PTPN22: variants seen among roughly 807,000 people sequenced by gnomAD.
PTPN22 encodes protein tyrosine phosphatase non-receptor type 22.
In PTPN22, 85 loss-of-function variants were observed where a neutral mutation model predicts 103.3. That is an observed-to-expected ratio of 0.82 (90% CI 0.69 to 0.99). PTPN22 has a LOEUF of 0.99. Among genes scored for constraint, PTPN22 ranks in the 50% least tolerant of loss-of-function variants. PTPN22 has a pLI of 0.00. For synonymous variants in PTPN22, 323 were observed against 310.2 expected (o/e 1.04, Z -0.43); for missense variants, 865 against 936.9 (o/e 0.92, Z 1.00).
chr1:113,868,894 A>G (rs960003114), intron 1 of PTPN22, among the ~76,000 whole-genome samples: 3 of 150,808 alleles, frequency 2.0e-5, no homozygotes, highest in Non-Finnish European at 4.4e-5. Flanking sequence ...TTAAGCAGCT[A>G]AAAAAAACTA....
rs1455277307 is a variant in PTPN22 at position 113,833,153 on chromosome 1, GA to G, written c.2026-16del. On this transcript the variant is annotated splice_polypyrimidine_tract_variant and intron_variant, in intron 15 of 20. Transcript: ENST00000359785. Reference sequence around the variant, plus strand: ...AGTTTTACACTCTAAAAGAAAAAAAGAAAGGAAAAGTGAAAGAAGAATATGT... The same window carrying G: ...AGTTTTACACTCTAAAAGAAAAAAAGAAGGAAAAGTGAAAGAAGAATATGT... 1 of 1,535,706 alleles carries G rather than the reference GA, an allele frequency of 6.5e-7. No homozygotes were observed. The highest frequency in any genetic ancestry group is 2.3e-5 in the East Asian group (1 of 44,154).
intron 20 of PTPN22, among the ~76,000 whole-genome samples, chr1:113,815,829 C>A (rs990653201): frequency 6.6e-6 from 1 of 152,180 alleles, no homozygotes; most frequent in Non-Finnish European, 1.5e-5. Context: ...CAGGCGCCAG[C>A]CAACATGCCT....
chr1:113,862,769 T>G (rs1375483379), intron 1 of PTPN22, among the ~76,000 whole-genome samples: 1 of 152,150 alleles, frequency 6.6e-6, no homozygotes, highest in African/African-American at 2.4e-5. Context: ...CTCAGTGCCT[T>G]GCAAATATAG....
At chr1:113,843,952 C>T (rs1305149006) in intron 11 of PTPN22, among the ~76,000 whole-genome samples, 1 of 152,062 alleles carries the variant, frequency 6.6e-6, no homozygotes, top group Non-Finnish European at 1.5e-5. Flanking sequence ...CATTCTGGGC[C>T]GGGTGTGGTG....
At chr1:113,866,744 T>C (rs928257890) in intron 1 of PTPN22, among the ~76,000 whole-genome samples, 2 of 152,122 alleles carry the variant, frequency 1.3e-5, no homozygotes, top group Non-Finnish European at 2.9e-5. Context: ...AAAAAAGCTA[T>C]TGTTGGTTTT....
intron 1 of PTPN22, among the ~76,000 whole-genome samples, chr1:113,869,368 A>T (rs1480081261): frequency 9.3e-5 from 14 of 150,414 alleles, no homozygotes; most frequent in Non-Finnish European, 4.4e-5. Flanking sequence ...TTTAGCTGAG[A>T]AAAGGTAAAA....
intron 4 of PTPN22, 109 bp from the exon 5 acceptor site, chr1:113,857,885 G>T (rs983419083): frequency 2.4e-5 from 26 of 1,066,590 alleles, no homozygotes; most frequent in Non-Finnish European, 3.3e-5. Flanking sequence ...TTTCTGTTTT[G>T]TCGTTTTTTT....
At chr1:113,860,908 G>A (rs897805686) in intron 1 of PTPN22, among the ~76,000 whole-genome samples, 22 of 152,160 alleles carry the variant, frequency 1.4e-4, no homozygotes, top group South Asian at 1.2e-3. Context: ...AGCCCTTTGC[G>A]TAAGATATCC....
At chr1:113,836,549 C>T (rs1663034883) in intron 13 of PTPN22, among the ~76,000 whole-genome samples, 1 of 152,114 alleles carries the variant, frequency 6.6e-6, no homozygotes, top group Non-Finnish European at 1.5e-5. Context: ...TCATTTTAGC[C>T]ACATAATTGT....
At chr1:113,819,873 CAG>C (rs1250493746) in intron 19 of PTPN22, 2 of 304,294 alleles carry the variant, frequency 6.6e-6, no homozygotes, top group Non-Finnish European at 1.2e-5. Flanking sequence ...TCTTTGCAAA[CAG>C]ATTGTATAGT....
At chr1:113,848,654 T>C (rs762009299) in intron 10 of PTPN22, 28 bp from the exon 11 acceptor site, 1 of 1,586,368 alleles carries the variant, frequency 6.3e-7, no homozygotes, top group Non-Finnish European at 8.5e-7. Flanking sequence ...CCAGAACAAA[T>C]GAAAACAAAA....
At chr1:113,816,285 C>T (rs1466867620) in intron 20 of PTPN22, among the ~76,000 whole-genome samples, 1 of 151,878 alleles carries the variant, frequency 6.6e-6, no homozygotes, top group African/African-American at 2.4e-5. Flanking sequence ...CCAGCCTGGG[C>T]AACATAGTGA....
At chr1:113,840,481 G>T (rs1663452917) in intron 11 of PTPN22, among the ~76,000 whole-genome samples, 2 of 152,064 alleles carry the variant, frequency 1.3e-5, no homozygotes, top group Admixed American at 1.3e-4. Flanking sequence ...TTTAACCAAG[G>T]AGGCAAAAGA....
At chr1:113,853,599 C>T (rs908865028) in intron 9 of PTPN22, among the ~76,000 whole-genome samples, 1 of 151,948 alleles carries the variant, frequency 6.6e-6, no homozygotes, top group Non-Finnish European at 1.5e-5. Flanking sequence ...ATCAGCCTGC[C>T]TCGGCCTCCC....
At chr1:113,862,653 T>A (rs1000271004) in intron 1 of PTPN22, among the ~76,000 whole-genome samples, 14 of 152,154 alleles carry the variant, frequency 9.2e-5, no homozygotes, top group African/African-American at 3.4e-4. Context: ...ATAGAAGACG[T>A]AGCATTTTAG....
At chr1:113,848,729 T>C in intron 10 of PTPN22, 103 bp from the exon 11 acceptor site, 1 of 1,038,120 alleles carries the variant, frequency 9.6e-7, no homozygotes, top group South Asian at 1.4e-5. Context: ...AATCCTAATA[T>C]AGCAGACCCA....
At chr1:113,814,111 C>T (rs1660994645) in exon 21 of PTPN22, 1 of 152,200 alleles carries the variant, frequency 6.6e-6, no homozygotes, top group Admixed American at 6.5e-5. Context: ...GATCCATATT[C>T]ATATAGAAAT....
intron 10 of PTPN22, among the ~76,000 whole-genome samples, chr1:113,849,973 A>T (rs1282657078): frequency 6.6e-6 from 1 of 151,826 alleles, no homozygotes; most frequent in Non-Finnish European, 1.5e-5. Flanking sequence ...AGGCAGGCAG[A>T]TCACGAAATC....
At chr1:113,815,383 C>A (rs1661066130) in intron 20 of PTPN22, 1 of 153,602 alleles carries the variant, frequency 6.5e-6, no homozygotes, top group African/African-American at 2.4e-5. Flanking sequence ...TCTAGTTATA[C>A]CTCTATGTCG....
Sources: gnomAD v4.1 joint callset for allele counts (sites outside exome capture counted in the v4.1 genomes callset) on GRCh38, gnomAD v4.1.1 for gene constraint, MANE v1.5 for transcripts, NCBI Gene and HGNC (gene_info 2026-07-23, HGNC 2026-07-21) for gene names.